Variants in DMD observed in about 807,000 individuals in gnomAD.
DMD encodes the protein dystrophin.
DMD carries 63 observed loss-of-function variants against 330.1 expected under a neutral mutation model. The observed-to-expected ratio is 0.19, with a 90% confidence interval of 0.16 to 0.24. DMD has a LOEUF of 0.24. Ranked by LOEUF, DMD falls within the 10% of genes least tolerant of loss-of-function variation. The pLI is 1.00. For missense variants in DMD, 3,344 were observed against 2,684.1 expected (o/e 1.25, Z -5.43); for synonymous variants, 1,223 against 959.8 (o/e 1.27, Z -5.07).
At chrX:32,632,794 G>T (rs2058829167) in intron 11 of DMD, among the ~76,000 whole-genome samples, 1 of 112,175 alleles carries the variant, frequency 8.9e-6, no homozygotes, top group Non-Finnish European at 1.9e-5. Flanking sequence ...CTGGGACCCT[G>T]GGCCTGGCCC....
At chrX:32,737,809 C>G (rs2068718878) in intron 7 of DMD, among the ~76,000 whole-genome samples, 3 of 111,524 alleles carry the variant, frequency 2.7e-5, no homozygotes, top group African/African-American at 9.8e-5. Flanking sequence ...GTAATAAGCT[C>G]TAACTTTTGC....
intron 4 of DMD, among the ~76,000 whole-genome samples, chrX:32,827,836 T>C (rs1489700756): frequency 1.8e-5 from 2 of 110,438 alleles, no homozygotes; most frequent in Non-Finnish European, 3.8e-5. Flanking sequence ...TAATTTTGTA[T>C]TTTTAGTAGA....
intron 17 of DMD, among the ~76,000 whole-genome samples, chrX:32,538,671 TTCCAAAGTGTGGGCCCTAA>T (rs770616596): frequency 9.0e-6 from 1 of 111,062 alleles, no homozygotes; most frequent in South Asian, 3.9e-4. Flanking sequence ...GTGAACTGAT[TTCCAAAGTGTGGGCCCTAA>T]ATCAGTAGCA....
chrX:32,506,334 T>C (rs1195518700), intron 18 of DMD, among the ~76,000 whole-genome samples: 1 of 107,154 alleles, frequency 9.3e-6, no homozygotes, highest in African/African-American at 3.4e-5. Flanking sequence ...AACCTATAAT[T>C]ACTCTAAAAA....
At chrX:32,866,908 A>T (rs2082558626) in intron 2 of DMD, among the ~76,000 whole-genome samples, 1 of 110,465 alleles carries the variant, frequency 9.1e-6, no homozygotes, top group Non-Finnish European at 1.9e-5. Flanking sequence ...TGATTTTTGT[A>T]TTTTTTTAGT....
intron 50 of DMD, among the ~76,000 whole-genome samples, chrX:31,791,367 G>C (rs2091561543): frequency 8.9e-6 from 1 of 111,973 alleles, no homozygotes; most frequent in African/African-American, 3.2e-5. Context: ...CTGAGTGAGA[G>C]AGGGTGCACA....
At chrX:32,866,983 C>A (rs2082565626) in intron 2 of DMD, among the ~76,000 whole-genome samples, 1 of 111,403 alleles carries the variant, frequency 9.0e-6, no homozygotes, top group Non-Finnish European at 1.9e-5. Flanking sequence ...ATCCGCCCAC[C>A]TCGGCCTCCC....
intron 62 of DMD, among the ~76,000 whole-genome samples, chrX:31,298,414 C>T (rs1239608954): frequency 9.2e-6 from 1 of 108,892 alleles, no homozygotes; most frequent in Non-Finnish European, 1.9e-5. Context: ...CACACATACA[C>T]ACACACACAC....
intron 27 of DMD, among the ~76,000 whole-genome samples, chrX:32,447,522 A>T (rs1191008417): frequency 8.9e-6 from 1 of 111,756 alleles, no homozygotes; most frequent in Admixed American, 9.5e-5. Context: ...AATACATTTT[A>T]AAATATTTTT....
At chrX:32,676,983 TTTA>T (rs1176888025) in intron 9 of DMD, among the ~76,000 whole-genome samples, 6 of 111,859 alleles carry the variant, frequency 5.4e-5, no homozygotes, top group African/African-American at 1.9e-4. Context: ...GAGTTTTTCA[TTTA>T]TTGACATTTA....
At chrX:31,320,510 C>T (rs1333646694) in intron 62 of DMD, among the ~76,000 whole-genome samples, 1 of 112,148 alleles carries the variant, frequency 8.9e-6, no homozygotes, top group Admixed American at 9.4e-5. Flanking sequence ...AAAATGAGGA[C>T]TGGTTGAAGC....
chrX:32,127,354 C>G (rs1335337617), intron 44 of DMD, among the ~76,000 whole-genome samples: 1 of 111,551 alleles, frequency 9.0e-6, no homozygotes, highest in Non-Finnish European at 1.9e-5. Flanking sequence ...ACTCAAGGAC[C>G]TGAAAGCCAT....
At position 32,866,727 on chromosome X, in the gene DMD, G is replaced by C. The variant is rs868196360; in HGVS notation, c.94-16907C>G. 2.4e-3 allele frequency among the ~76,000 whole-genome samples: 74 copies of C among 30,478 alleles called. 4 individuals carry two copies. The highest frequency in any genetic ancestry group is 7.9e-3 in the African/African-American group (66 of 8,309). The allele number at this position is 30,478 out of a possible 115,157, so 26.5% of individuals were successfully genotyped here. On this transcript the variant is annotated intron_variant, in intron 2 of 78. Coordinates refer to ENST00000357033, the MANE Select transcript of DMD (RefSeq NM_004006.3). ...TATACATACACACACTTTTTTTTGG[G>C]GGGGGGTGGGGGGGTGGGGGGGGGG...
chrX:31,906,760 G>A (rs1395244146), intron 47 of DMD, among the ~76,000 whole-genome samples: 3 of 111,806 alleles, frequency 2.7e-5, no homozygotes, highest in Admixed American at 9.5e-5. Context: ...TCCTTGACTA[G>A]ACTAAGCAGC....
intron 45 of DMD, among the ~76,000 whole-genome samples, chrX:31,940,305 C>T (rs1227461586): frequency 9.0e-6 from 1 of 111,221 alleles, no homozygotes; most frequent in Non-Finnish European, 1.9e-5. Context: ...GCTCATTAGA[C>T]AAGTCTACTC....
chrX:32,708,336 A>C (rs2082850014), intron 7 of DMD, among the ~76,000 whole-genome samples: 1 of 109,246 alleles, frequency 9.2e-6, no homozygotes, highest in Admixed American at 9.9e-5. Context: ...CTACATATAA[A>C]AGAGCTTAGC....
chrX:31,404,027 C>A (rs1156799442), intron 60 of DMD, among the ~76,000 whole-genome samples: 1 of 110,488 alleles, frequency 9.1e-6, no homozygotes, highest in Non-Finnish European at 1.9e-5. Context: ...TCCCTTCCTA[C>A]CCCCAGCCTT....
chrX:33,131,399 AAT>A (rs1215586978), intron 1 of DMD, among the ~76,000 whole-genome samples: 1 of 111,980 alleles, frequency 8.9e-6, no homozygotes, highest in African/African-American at 3.3e-5. Context: ...CAAGTTTGAG[AAT>A]CTGTACCCAT....
chrX:32,903,143 T>TAAAAAA (rs1230053668), intron 2 of DMD, among the ~76,000 whole-genome samples: 1 of 11,902 alleles, frequency 8.4e-5, no homozygotes, highest in Non-Finnish European at 1.4e-4. Context: ...AGACTCAGTC[T>TAAAAAA]CAAAAAAAAA....
Sources: allele counts gnomAD v4.1 joint callset (sites outside exome capture counted in the v4.1 genomes callset), GRCh38; gene constraint gnomAD v4.1.1; transcripts MANE v1.5; gene names NCBI Gene and HGNC (gene_info 2026-07-23, HGNC 2026-07-21).